The following NALF1 variants were observed in gnomAD, a reference collection of about 807,000 sequenced individuals.
NALF1 encodes family with sequence similarity 155 member A.
In NALF1, 3 loss-of-function variants were observed where a neutral mutation model predicts 48.4. The ratio of observed to expected loss-of-function variants is 0.06; its 90% confidence interval spans 0.03 to 0.16. The LOEUF (loss-of-function observed/expected upper bound fraction) is 0.16, where lower values mean the gene tolerates loss of function less well. Ranked by LOEUF, NALF1 falls within the 10% of genes least tolerant of loss-of-function variation. NALF1 has a pLI of 1.00. For synonymous variants in NALF1, 262 were observed against 245.7 expected (o/e 1.07, Z -0.62); for missense variants, 526 against 571.5 (o/e 0.92, Z 0.81).
intron 1 of NALF1, among the ~76,000 whole-genome samples, chr13:107,367,319 T>A (rs1305148027): frequency 6.6e-6 from 1 of 152,172 alleles, no homozygotes; most frequent in African/African-American, 2.4e-5. Flanking sequence ...AACCTAGGCC[T>A]GGGCACCACC....
intron 1 of NALF1, among the ~76,000 whole-genome samples, chr13:107,593,918 A>G (rs1225841714): frequency 6.6e-6 from 1 of 151,966 alleles, no homozygotes; most frequent in Non-Finnish European, 1.5e-5. Context: ...TCTTCCTAAC[A>G]ATATTTAGGG....
At chr13:107,306,117 A>C (rs989704784) in intron 1 of NALF1, among the ~76,000 whole-genome samples, 2 of 152,130 alleles carry the variant, frequency 1.3e-5, no homozygotes, top group African/African-American at 2.4e-5. Flanking sequence ...ATGTTTGAAA[A>C]TTTCTAGAAC....
At chr13:107,359,263 T>C (rs1883019142) in intron 1 of NALF1, among the ~76,000 whole-genome samples, 1 of 152,112 alleles carries the variant, frequency 6.6e-6, no homozygotes, top group East Asian at 1.9e-4. Context: ...TCAACATTCA[T>C]GTATGGTACC....
intron 2 of NALF1, among the ~76,000 whole-genome samples, chr13:107,185,129 T>C (rs1206677296): frequency 6.6e-6 from 1 of 152,192 alleles, no homozygotes; most frequent in Non-Finnish European, 1.5e-5. Context: ...CAAAGATTGC[T>C]GACCACCTCC....
At chr13:107,799,749 G>C (rs1383742983) in intron 1 of NALF1, among the ~76,000 whole-genome samples, 1 of 152,106 alleles carries the variant, frequency 6.6e-6, no homozygotes, top group Non-Finnish European at 1.5e-5. Flanking sequence ...GTTAAGATTA[G>C]GTCAGTGGAT....
intron 1 of NALF1, among the ~76,000 whole-genome samples, chr13:107,451,856 C>G (rs563813213): frequency 5.6e-4 from 86 of 152,260 alleles, no homozygotes; most frequent in Non-Finnish European, 1.2e-3. Context: ...ACGTTACTGG[C>G]CAAACCTAGT....
intron 1 of NALF1, among the ~76,000 whole-genome samples, chr13:107,636,688 C>A (rs1879984892): frequency 6.6e-6 from 1 of 151,900 alleles, no homozygotes; most frequent in African/African-American, 2.4e-5. Context: ...TTATTTAAAT[C>A]AGTCTTAATT....
At chr13:107,407,473 A>C (rs1473403065) in intron 1 of NALF1, among the ~76,000 whole-genome samples, 1 of 152,136 alleles carries the variant, frequency 6.6e-6, no homozygotes, top group Non-Finnish European at 1.5e-5. Flanking sequence ...TACTCAAAAG[A>C]AGACATACAA....
chr13:107,240,371 T>G (rs941441041), intron 1 of NALF1, among the ~76,000 whole-genome samples: 1 of 152,216 alleles, frequency 6.6e-6, no homozygotes, highest in Non-Finnish European at 1.5e-5. Flanking sequence ...TAGATTTTTA[T>G]AGTAGTCCAA....
chr13:107,695,163 A>T (rs1881671135), intron 1 of NALF1, among the ~76,000 whole-genome samples: 1 of 152,088 alleles, frequency 6.6e-6, no homozygotes, highest in African/African-American at 2.4e-5. Context: ...TTACCCTCTA[A>T]GCCTCAGTTT....
At chr13:107,843,673 C>T (rs534592284) in intron 1 of NALF1, among the ~76,000 whole-genome samples, 2 of 152,078 alleles carry the variant, frequency 1.3e-5, no homozygotes, top group African/African-American at 2.4e-5. Flanking sequence ...CCAGCAGATA[C>T]ACCCTAAAAC....
chr13:107,595,166 G>A (rs957628351), intron 1 of NALF1, among the ~76,000 whole-genome samples: 1 of 152,068 alleles, frequency 6.6e-6, no homozygotes, highest in Non-Finnish European at 1.5e-5. Context: ...AAATCTTTCA[G>A]TCTCTTTAAA....
chr13:107,571,766 T>TA (rs1379439568), intron 1 of NALF1, among the ~76,000 whole-genome samples: 1 of 152,148 alleles, frequency 6.6e-6, no homozygotes, highest in Non-Finnish European at 1.5e-5. Flanking sequence ...TAGCTACTAT[T>TA]AGAGTGGTAC....
Position 107,538,186 on chromosome 13 carries a change from A to T in NALF1, c.916-327431T>A, listed in dbSNP as rs1876892308. Reference sequence around the variant, plus strand: ...TCAATTCTTCTATTTTCTACATCTGACCAACTTGTGCCATATATTCCAATC... The same window carrying T: ...TCAATTCTTCTATTTTCTACATCTGTCCAACTTGTGCCATATATTCCAATC... On this transcript the variant is annotated intron_variant, in intron 1 of 2. Transcript: ENST00000375915. Among the ~76,000 whole-genome samples, 4 of 152,164 alleles carry T rather than the reference A, an allele frequency of 2.6e-5. No homozygotes were observed. The South Asian group carries it at 8.3e-4, about 31-fold the overall frequency.
chr13:107,651,978 ATAAAC>A (rs1330552056), intron 1 of NALF1, among the ~76,000 whole-genome samples: 1 of 152,242 alleles, frequency 6.6e-6, no homozygotes, highest in Admixed American at 6.5e-5. Context: ...ATGTGAGATC[ATAAAC>A]TAGAAGACTT....
intron 1 of NALF1, among the ~76,000 whole-genome samples, chr13:107,482,466 G>A (rs554533456): frequency 2.8e-4 from 43 of 152,144 alleles, no homozygotes; most frequent in African/African-American, 7.7e-4. Flanking sequence ...CTTCCATATC[G>A]ACAGCAAAGG....
chr13:107,587,832 C>CAGGT (rs374522384), intron 1 of NALF1, among the ~76,000 whole-genome samples: 203 of 152,208 alleles, frequency 1.3e-3, no homozygotes, highest in African/African-American at 4.6e-3. Context: ...CAAAACTGAA[C>CAGGT]AGGTGCACAG....
At position 107,170,681 on chromosome 13, in the gene NALF1, G is replaced by T. The variant is rs774707777; in HGVS notation, c.1193C>A (p.Ser398Tyr). Residue 398 changes from serine to tyrosine, a missense_variant, in exon 3 of 3, where the codon TCC becomes TAC. By Grantham distance (144) the Ser-to-Tyr change is moderately radical. This residue lies in a region of NALF1 where 153 missense variants were observed against 215.9 expected (regional missense o/e 0.71). Coordinates refer to ENST00000375915, the MANE Select transcript of NALF1 (RefSeq NM_001080396.3). Reference sequence around the variant, plus strand: ...CACTGTGAGCGATGTCCTGTGACAGGAGCCACTTTTCTCTACGGTCCCTTT... The same window carrying T: ...CACTGTGAGCGATGTCCTGTGACAGTAGCCACTTTTCTCTACGGTCCCTTT... ...PSKGTVEKSG[S>Y]CHRTSLTVSS... The T allele has an allele frequency of 1.5e-5, 25 of 1,614,060 alleles. No individual in the cohort carries two copies. In the East Asian group the frequency reaches 4.5e-4, roughly 29 times the overall value.
At chr13:107,730,981 G>A (rs185042887) in intron 1 of NALF1, among the ~76,000 whole-genome samples, 7 of 152,322 alleles carry the variant, frequency 4.6e-5, no homozygotes, top group East Asian at 1.9e-4. Context: ...CCATCTGGGT[G>A]CTACGGGAAT....
Sources: gnomAD v4.1 joint callset for allele counts (sites outside exome capture counted in the v4.1 genomes callset) on GRCh38, gnomAD v4.1.1 for gene constraint, gnomAD v4.1.1 regional missense constraint, MANE v1.5 for transcripts, NCBI Gene and HGNC (gene_info 2026-07-23, HGNC 2026-07-21) for gene names.